The following ATG7 variants were observed in gnomAD, a reference collection of about 807,000 sequenced individuals.
ATG7 encodes the protein ubiquitin-like modifier-activating enzyme ATG7.
In ATG7, 70 loss-of-function variants were observed where a neutral mutation model predicts 82.4. The observed-to-expected ratio is 0.85, with a 90% CI of 0.70 to 1.04. The LOEUF (loss-of-function observed/expected upper bound fraction) is 1.04. Among genes scored for constraint, ATG7 ranks in the 50% least tolerant of loss-of-function variants. ATG7 has a pLI of 0.00. For missense variants in ATG7, 792 were observed against 864.3 expected (o/e 0.92, Z 1.05); for synonymous variants, 287 against 313.0 (o/e 0.92, Z 0.88).
intron 20 of ATG7, chr3:11,510,469 A>G (rs1184319117): frequency 3.4e-6 from 1 of 291,178 alleles, no homozygotes; most frequent in South Asian, 2.2e-5. Context: ...CCCCCATCCC[A>G]GTGATACAGA....
intron 11 of ATG7, among the ~76,000 whole-genome samples, chr3:11,334,753 T>C (rs1952150511): frequency 6.7e-6 from 1 of 149,716 alleles, no homozygotes; most frequent in Non-Finnish European, 1.5e-5. Flanking sequence ...AGGTCAGGAG[T>C]TCGAGATTGG....
chr3:11,297,487 C>A lies in ATG7; in HGVS notation c.-10-1199C>A, dbSNP rs116156667. The stretch of plus-strand genomic sequence containing the variant: ...TTTGCTTTTTGGAGCTGCCAGATTT[C>A]TTTAGTATTGTCCTTCTCAAACTGG... On this transcript the variant is annotated intron_variant, in intron 3 of 20. Coordinates refer to ENST00000693202, the MANE Select transcript of ATG7 (RefSeq NM_001349232.2). Among the ~76,000 whole-genome samples, 561 of 152,212 alleles carry A rather than the reference C, an allele frequency of 3.7e-3. 7 individuals are homozygous for A. Among genetic ancestry groups the A allele is most frequent in the African/African-American group, 0.013 (537 of 41,510 alleles).
intron 9 of ATG7, among the ~76,000 whole-genome samples, chr3:11,323,947 A>G (rs1414319924): frequency 2.0e-5 from 3 of 152,326 alleles, no homozygotes; most frequent in East Asian, 1.9e-4. Flanking sequence ...CATTGTGGAA[A>G]ATGTTCTTGC....
At chr3:11,378,260 G>T (rs1212932074) in intron 18 of ATG7, among the ~76,000 whole-genome samples, 14 of 150,126 alleles carry the variant, frequency 9.3e-5, no homozygotes, top group Admixed American at 8.6e-4. Context: ...CAGGTGATCT[G>T]CCCGCCTCAG....
rs148719960 is a variant in ATG7, at chr3:11,542,378, G to A, written c.2080-12433G>A. ...AGGGGGAGACCTAGAGCAGCCTGTC[G>A]CTGTGGGCTGGGAATTCCAGAGTCT... On this transcript the variant is annotated intron_variant, in intron 20 of 20. Coordinates refer to ENST00000693202, the MANE Select transcript of ATG7 (RefSeq NM_001349232.2). Among the ~76,000 whole-genome samples, 10 of 152,340 alleles carry A rather than the reference G, an allele frequency of 6.6e-5. No individual in the cohort carries two copies. In the South Asian group the frequency reaches 1.7e-3, roughly 25 times the overall value.
intron 14 of ATG7, among the ~76,000 whole-genome samples, chr3:11,351,989 T>A (rs1403505017): frequency 6.6e-6 from 1 of 150,632 alleles, no homozygotes; most frequent in Non-Finnish European, 1.5e-5. Flanking sequence ...ATCCTAATGC[T>A]ATCCCTCCCC....
chr3:11,562,662 G>A (rs937854193), downstream of ATG7, among the ~76,000 whole-genome samples: 3 of 152,368 alleles, frequency 2.0e-5, no homozygotes, highest in East Asian at 1.9e-4. Flanking sequence ...CCACGCTGCC[G>A]CAGGAAGGAG....
intron 20 of ATG7, among the ~76,000 whole-genome samples, chr3:11,432,510 G>A (rs1457795544): frequency 1.3e-5 from 2 of 151,880 alleles, no homozygotes; most frequent in South Asian, 2.1e-4. Flanking sequence ...AAGCTTGGGA[G>A]GGGGGGTAAA....
intron 20 of ATG7, among the ~76,000 whole-genome samples, chr3:11,489,655 C>T (rs944904266): frequency 6.2e-5 from 9 of 144,972 alleles, no homozygotes; most frequent in African/African-American, 2.0e-4. Context: ...TGAATGTGTC[C>T]CAGAGATTCT....
chr3:11,439,958 G>A (rs2083725825), intron 20 of ATG7, among the ~76,000 whole-genome samples: 1 of 152,184 alleles, frequency 6.6e-6, no homozygotes, highest in Non-Finnish European at 1.5e-5. Flanking sequence ...CTGTAGCTAT[G>A]CTCAGGATTT....
chr3:11,504,303 C>A (rs535362728), intron 20 of ATG7, among the ~76,000 whole-genome samples: 1 of 152,160 alleles, frequency 6.6e-6, no homozygotes, highest in East Asian at 1.9e-4. Context: ...CAAGCCAAAC[C>A]GCTCATTGAA....
chr3:11,502,129 TGA>T (rs1363998591), intron 20 of ATG7, among the ~76,000 whole-genome samples: 1 of 151,934 alleles, frequency 6.6e-6, no homozygotes, highest in East Asian at 1.9e-4. Context: ...TGAAGGATAA[TGA>T]GAGAATAAAA....
intron 20 of ATG7, among the ~76,000 whole-genome samples, chr3:11,523,886 C>T (rs974443742): frequency 1.3e-5 from 2 of 152,196 alleles, no homozygotes; most frequent in Admixed American, 6.5e-5. Flanking sequence ...GACACAGAAT[C>T]TTCTGTTTCC....
intron 18 of ATG7, among the ~76,000 whole-genome samples, chr3:11,378,703 A>AC: frequency 6.6e-6 from 1 of 151,500 alleles, no homozygotes; most frequent in African/African-American, 2.4e-5. Flanking sequence ...AAAAAAAAAA[A>AC]AAAAAATTGC....
Position 11,554,932 on chromosome 3 carries a change from T to C in ATG7, c.*89T>C. On this transcript the variant is annotated 3_prime_UTR_variant, in exon 21 of 21. Transcript: ENST00000693202. ...GCAGGACTGCTGACCCCAGGCCTGG[T>C]GATTCTGGGCCCCTCCTCCATACCC... 2 of 1,495,082 alleles carry C rather than the reference T, an allele frequency of 1.3e-6. No individual in the cohort carries two copies. The highest frequency in any genetic ancestry group is 1.8e-6 in the Non-Finnish European group (2 of 1,106,260). The allele number at this position is 1,495,082 out of a possible 1,614,324, so 92.6% of individuals were successfully genotyped here. A position where few individuals can be genotyped will look rare whatever the true frequency, so the allele number is the denominator to read the frequency against.
At chr3:11,507,779 A>T (rs1575112399) in intron 20 of ATG7, among the ~76,000 whole-genome samples, 1 of 151,982 alleles carries the variant, frequency 6.6e-6, no homozygotes, top group Admixed American at 6.6e-5. Flanking sequence ...TTAAGTCCAC[A>T]CTCTAGATGT....
At chr3:11,421,383 T>C (rs71316482) in intron 19 of ATG7, among the ~76,000 whole-genome samples, 1 of 152,246 alleles carries the variant, frequency 6.6e-6, no homozygotes, top group Non-Finnish European at 1.5e-5. Context: ...AATCTTTAGT[T>C]GTCATTTCAA....
chr3:11,314,371 T>C (rs569095081), intron 8 of ATG7, among the ~76,000 whole-genome samples: 102 of 151,892 alleles, frequency 6.7e-4, no homozygotes, highest in African/African-American at 2.3e-3. Flanking sequence ...CAGGGAGCTC[T>C]CTTGGAGCTG....
In ATG7 at chr3:11,468,733, TG is replaced by T. The variant is rs541214597; in HGVS notation, c.2079+41808del. ...ACCACAGGTGGGCTTGGGATGGGGA[TG>T]CTTCCTGAATGCCCAGGGACTGTAC... On this transcript the variant is annotated intron_variant, in intron 20 of 20. Coordinates refer to ENST00000693202, the MANE Select transcript of ATG7 (RefSeq NM_001349232.2). 8.5e-5 allele frequency among the ~76,000 whole-genome samples: 13 copies of T among 152,324 alleles called. No homozygotes were observed. In the East Asian group the frequency reaches 2.5e-3, roughly 29 times the overall value.
Sources: allele counts gnomAD v4.1 joint callset (sites outside exome capture counted in the v4.1 genomes callset), GRCh38; gene constraint gnomAD v4.1.1; transcripts MANE v1.5; gene names NCBI Gene and HGNC (gene_info 2026-07-23, HGNC 2026-07-21).